The following EPC2 variants were observed in gnomAD, a reference collection of about 807,000 sequenced individuals.
EPC2 encodes the protein enhancer of polycomb 2.
In EPC2, 14 loss-of-function variants were observed where a neutral mutation model predicts 92.1. That is an observed-to-expected ratio of 0.15 (90% CI 0.10 to 0.24). The LOEUF is 0.24. Among genes scored for constraint, EPC2 ranks in the 10% least tolerant of loss-of-function variants. The pLI is 1.00. For missense variants in EPC2, 755 were observed against 971.5 expected, an observed-to-expected ratio of 0.78 and a Z score of 2.96; for synonymous variants, 340 against 334.7, an observed-to-expected ratio of 1.02 and a Z score of -0.17.
intron 10 of EPC2, among the ~76,000 whole-genome samples, chr2:148,778,243 G>C (rs1683684142): frequency 6.6e-6 from 1 of 152,140 alleles, no homozygotes; most frequent in Admixed American, 6.5e-5. Context: ...AAAAGAACTT[G>C]GCTTGGCCCT....
intron 1 of EPC2, among the ~76,000 whole-genome samples, chr2:148,656,029 G>C (rs866124532): frequency 1.5e-5 from 2 of 130,452 alleles, no homozygotes; most frequent in South Asian, 2.6e-4. Flanking sequence ...GTGTGTGGGG[G>C]GGGGGGGGGT....
At chr2:148,690,807 C>T (rs1489871671) in intron 2 of EPC2, among the ~76,000 whole-genome samples, 2 of 152,022 alleles carry the variant, frequency 1.3e-5, no homozygotes, top group African/African-American at 2.4e-5. Flanking sequence ...GGATTACAGG[C>T]GTGTGCCACC....
intron 10 of EPC2, among the ~76,000 whole-genome samples, chr2:148,775,728 T>C (rs1041987719): frequency 2.4e-4 from 25 of 104,396 alleles, no homozygotes; most frequent in African/African-American, 5.7e-4. Context: ...AAATTAAATA[T>C]CTTTAAATAT....
At chr2:148,786,270 T>G (rs914076793) in intron 13 of EPC2, 35 bp from the exon 14 acceptor site, 3 of 1,509,656 alleles carry the variant, frequency 2.0e-6, no homozygotes, top group Non-Finnish European at 1.8e-6. Flanking sequence ...TAGAGAGTAT[T>G]GATATTTATT....
intron 4 of EPC2, among the ~76,000 whole-genome samples, chr2:148,760,586 T>TA (rs1193851377): frequency 1.3e-5 from 2 of 152,158 alleles, no homozygotes; most frequent in Admixed American, 6.5e-5. Context: ...GCTGCCTGTT[T>TA]AAAAAAATGC....
At chr2:148,708,538 C>CA (rs1682059452) in intron 2 of EPC2, among the ~76,000 whole-genome samples, 2 of 151,924 alleles carry the variant, frequency 1.3e-5, no homozygotes, top group South Asian at 2.1e-4. Flanking sequence ...AGAGACACAA[C>CA]AAAAAAGGAG....
At chr2:148,677,822 G>A (rs1215689448) in intron 1 of EPC2, among the ~76,000 whole-genome samples, 2 of 151,998 alleles carry the variant, frequency 1.3e-5, no homozygotes, top group Non-Finnish European at 2.9e-5. Context: ...GGAGTTGTTT[G>A]TTCCTCCCGG....
chr2:148,781,827 A>G, intron 11 of EPC2, 47 bp downstream of exon 11: 3 of 1,605,524 alleles, frequency 1.9e-6, no homozygotes, highest in South Asian at 2.2e-5. Context: ...TTTCATCATT[A>G]TGTAGTTTTA....
intron 3 of EPC2, among the ~76,000 whole-genome samples, chr2:148,750,387 T>TA (rs552364311): frequency 6.1e-5 from 9 of 148,570 alleles, no homozygotes; most frequent in Non-Finnish European, 9.0e-5. Context: ...ATATGTCCCT[T>TA]AAAAAAAAAA....
intron 3 of EPC2, 39 bp from the exon 4 acceptor site, chr2:148,753,888 A>C (rs754691584): frequency 1.3e-6 from 2 of 1,544,652 alleles, no homozygotes; most frequent in African/African-American, 2.7e-5. Flanking sequence ...TTCTTTTTGC[A>C]AACATTGTAG....
intron 1 of EPC2, among the ~76,000 whole-genome samples, chr2:148,663,855 A>G (rs542547228): frequency 2.0e-5 from 3 of 152,248 alleles, no homozygotes; most frequent in Admixed American, 6.5e-5. Flanking sequence ...GCAGTTCACA[A>G]TAGGGTTCAC....
intron 2 of EPC2, among the ~76,000 whole-genome samples, chr2:148,735,995 T>C (rs1308054406): frequency 1.3e-5 from 2 of 152,170 alleles, no homozygotes; most frequent in Non-Finnish European, 2.9e-5. Flanking sequence ...TCAGGATCTC[T>C]GAATAATTGA....
At chr2:148,653,232 G>T (rs1018755969) in intron 1 of EPC2, among the ~76,000 whole-genome samples, 1 of 152,156 alleles carries the variant, frequency 6.6e-6, no homozygotes, top group Non-Finnish European at 1.5e-5. Flanking sequence ...TGGTCACTTG[G>T]ATTGAGTTTC....
chr2:148,747,395 T>C (rs984317838), intron 3 of EPC2, among the ~76,000 whole-genome samples: 2 of 152,062 alleles, frequency 1.3e-5, no homozygotes, highest in African/African-American at 4.8e-5. Context: ...TATTTTCACT[T>C]ATCTCCTCTC....
Position 148,701,228 on chromosome 2 carries a change from C to T in EPC2, c.313+10855C>T, listed in dbSNP as rs148104089. Among the ~76,000 whole-genome samples the T allele has an allele frequency of 2.1e-4, 32 of 152,264 alleles. 1 individual carries two copies. Among genetic ancestry groups the T allele is most frequent in the African/African-American group, 7.0e-4 (29 of 41,564 alleles). ...TCTGTAAGCAAAGACAGTTTCATTT[C>T]GTCCTAATCTGTATACTTTTTATTT... On this transcript the variant is annotated intron_variant, in intron 2 of 13. Transcript: ENST00000258484.
At chr2:148,739,833 C>CT (rs144868417) in intron 2 of EPC2, among the ~76,000 whole-genome samples, 117 of 81,296 alleles carry the variant, frequency 1.4e-3, no homozygotes, top group African/African-American at 2.5e-3. Context: ...TCTTCTTCTT[C>CT]TTTTTTTTTT....
At chr2:148,716,821 CTCT>C (rs2105387979) in intron 2 of EPC2, among the ~76,000 whole-genome samples, 1 of 152,274 alleles carries the variant, frequency 6.6e-6, no homozygotes, top group Non-Finnish European at 1.5e-5. Flanking sequence ...ATGGTACCAG[CTCT>C]TCTTTTTACC....
chr2:148,750,927 A>T (rs1320747042), intron 3 of EPC2, among the ~76,000 whole-genome samples: 1 of 152,140 alleles, frequency 6.6e-6, no homozygotes, highest in Non-Finnish European at 1.5e-5. Flanking sequence ...AACACAGTAT[A>T]GGCAGTCCCA....
chr2:148,705,297 TAA>T (rs34757512), intron 2 of EPC2, among the ~76,000 whole-genome samples: 2 of 150,094 alleles, frequency 1.3e-5, no homozygotes, highest in African/African-American at 4.9e-5. Flanking sequence ...GTTATCATTT[TAA>T]AAAAAAAACT....
Sources: gnomAD v4.1 joint callset for allele counts (sites outside exome capture counted in the v4.1 genomes callset) on GRCh38, gnomAD v4.1.1 for gene constraint, MANE v1.5 for transcripts, NCBI Gene and HGNC (gene_info 2026-07-23, HGNC 2026-07-21) for gene names.